The following TRABD variants were observed in gnomAD, a reference collection of about 807,000 sequenced individuals.
TRABD encodes the protein traB domain-containing protein.
TRABD carries 23 observed loss-of-function variants against 39.6 expected under a neutral mutation model. The observed-to-expected ratio is 0.58, with a 90% CI of 0.42 to 0.82. The LOEUF is 0.82. TRABD is among the 40% of genes least tolerant of loss of function. TRABD has a pLI of 0.00. For missense variants in TRABD, 487 were observed against 544.9 expected (o/e 0.89, Z 1.06); for synonymous variants, 243 against 232.1 (o/e 1.05, Z -0.43).
chr22:50,195,127 G>T (rs1463789481), intron 5 of TRABD, 87 bp downstream of exon 5: 10 of 1,457,080 alleles, frequency 6.9e-6, no homozygotes, highest in East Asian at 2.5e-5. Flanking sequence ...CACAGCCCAT[G>T]CCCCCAGTCA....
rs900419606 is a variant in TRABD at position 50,186,558 on chromosome 22, C to T, written c.-35+582C>T. Among the ~76,000 whole-genome samples the T allele has an allele frequency of 7.9e-5, 12 of 152,252 alleles. No individual in the cohort carries two copies. The East Asian group carries it at 2.1e-3, about 27-fold the overall frequency. ...TCGCGGGTCGGGAGGGCCCCAGCCA[C>T]CCCCGCCTGCCGCCTGCGGTGGAGC... is the stretch of plus-strand genomic sequence containing the variant. On this transcript the variant is annotated intron_variant, in intron 1 of 9. Transcript: ENST00000380909.
chr22:50,194,606 C>T (rs554076201), intron 4 of TRABD, 100 bp downstream of exon 4: 42 of 1,502,146 alleles, frequency 2.8e-5, no homozygotes, highest in Non-Finnish European at 3.2e-5. Context: ...CCCGTGTGTG[C>T]GCACCGCAGG....
chr22:50,195,223 G>A (rs1001931445), intron 5 of TRABD, among the ~76,000 whole-genome samples, 183 bp downstream of exon 5: 3 of 152,166 alleles, frequency 2.0e-5, no homozygotes, highest in African/African-American at 4.8e-5. Context: ...TCCATTACCC[G>A]GTTTCAGGCA....
At position 50,193,013 on chromosome 22, in the gene TRABD, A is replaced by T. The variant is rs750951934; in HGVS notation, c.-34-14A>T. ...GCTCCAGGTGGAAACCCCGCCTCTC[A>T]TGCCTCTCCTCAGGCTCCCCACAGG... On this transcript the variant is annotated splice_polypyrimidine_tract_variant and intron_variant, in intron 1 of 9. Transcript: ENST00000380909. The T allele has an allele frequency of 5.1e-5, 79 of 1,541,546 alleles. 1 individual carries two copies. Among genetic ancestry groups the T allele is most frequent in the Non-Finnish European group, 7.0e-6 (8 of 1,146,328 alleles).
chr22:50,194,632 C>A, intron 4 of TRABD, 126 bp downstream of exon 4: 1 of 1,428,174 alleles, frequency 7.0e-7, no homozygotes, highest in Non-Finnish European at 9.4e-7. Flanking sequence ...TGCTTCAACA[C>A]TGTGGTCCCT....
In TRABD at chr22:50,198,981, T is replaced by C. The variant is rs952331387; in HGVS notation, c.*462T>C. The C allele has an allele frequency of 1.6e-5, 10 of 627,124 alleles. No individual in the cohort carries two copies. The highest frequency in any genetic ancestry group is 1.1e-4 in the African/African-American group (6 of 54,530). 38.8% of individuals were successfully genotyped at this position (627,124 alleles called of 1,614,324 possible). On this transcript the variant is annotated 3_prime_UTR_variant, in exon 10 of 10. Transcript: ENST00000380909. This position sits in a 1 kb window ranked among gnomAD's most constrained non-coding sequence, Gnocchi z 7.9. The stretch of plus-strand genomic sequence containing the variant: ...ACTGGGAAAGGCCCAGCCCTGGAGC[T>C]CCAGCCGACCCCACCGTGCCCCTGG...
Position 50,189,427 on chromosome 22 carries a change from G to A in TRABD, c.-35+3451G>A, listed in dbSNP as rs188385696. ...CCCCAGTCCTGCTCGGTGGACGTCC[G>A]TGCGGGGCAGGGAGAGTGAAGCACA... On this transcript the variant is annotated intron_variant, in intron 1 of 9. Transcript: ENST00000380909. Among the ~76,000 whole-genome samples, 15 of 152,348 alleles carry A rather than the reference G, an allele frequency of 9.8e-5. No individual in the cohort carries two copies. In the East Asian group the frequency reaches 2.1e-3, roughly 22 times the overall value.
rs763428500 is a variant in TRABD, at chr22:50,198,186, C to T, written c.956C>T (p.Thr319Ile). The T allele has an allele frequency of 1.6e-5, 26 of 1,604,056 alleles. No individual in the cohort carries two copies. Among genetic ancestry groups the T allele is most frequent in the Middle Eastern group, 1.6e-4 (1 of 6,076 alleles). ...STDLNIQEIM[T>I]VPPPSVSGRV... ...GACCTCAACATCCAGGAGATCATGACGTGAGTGCCCGCCCCTCCCTGCAAG... is the reference window on the plus strand; with the variant it reads ...GACCTCAACATCCAGGAGATCATGATGTGAGTGCCCGCCCCTCCCTGCAAG... Residue 319 changes from threonine to isoleucine, a missense_variant and splice_region_variant, in exon 9 of 10, where the codon ACC (threonine) becomes ATC (isoleucine). This residue lies in a region of TRABD where 123 missense variants were observed against 108.3 expected (regional missense o/e 1.14). Transcript: ENST00000380909. This position sits in a 1 kb window ranked among gnomAD's most constrained non-coding sequence, Gnocchi z 7.9.
At chr22:50,187,565 G>A (rs1304153252) in intron 1 of TRABD, among the ~76,000 whole-genome samples, 2 of 152,228 alleles carry the variant, frequency 1.3e-5, no homozygotes, top group African/African-American at 2.4e-5. Flanking sequence ...CCAGTTTTTG[G>A]TCTGCACTAG....
chr22:50,192,015 G>A (rs748384462), intron 1 of TRABD: 2 of 152,226 alleles, frequency 1.3e-5, no homozygotes, highest in African/African-American at 4.8e-5. Context: ...CATCCACCTT[G>A]GCCCCCCAAA....
rs1039651693 is a variant in TRABD, at chr22:50,198,624, T to C, written c.*105T>C. 1.9e-5 allele frequency: 23 copies of C among 1,208,492 alleles called. No homozygotes were observed. The highest frequency in any genetic ancestry group is 1.6e-4 in the Admixed American group (5 of 31,068). 74.9% of individuals were successfully genotyped at this position (1,208,492 alleles called of 1,614,324 possible). ...CGCCCGAGGCCCCTGCCACCCCCCA[T>C]GGGGGTCTGGGCCCGGCCTCGCCTG... On this transcript the variant is annotated 3_prime_UTR_variant, in exon 10 of 10. Coordinates refer to ENST00000380909, the MANE Select transcript of TRABD (RefSeq NM_001320485.2). The surrounding 1 kb of genome is among the most constrained non-coding windows in gnomAD (Gnocchi z 7.9).
Position 50,193,089 on chromosome 22 carries a change from A to AC in TRABD, c.30dup (p.Glu11ArgfsTer60). ...GACGGGGAGGAGCAGCAGCCACCGCACGAGGTGAGGTGGAGGCTGGGCTGG... is the reference window on the plus strand; with the variant it reads ...GACGGGGAGGAGCAGCAGCCACCGCACCGAGGTGAGGTGGAGGCTGGGCTGG... On this transcript the variant is annotated frameshift_variant, in exon 2 of 10. Coordinates refer to ENST00000380909, the MANE Select transcript of TRABD (RefSeq NM_001320485.2). LOFTEE classifies it high-confidence loss of function. 6.5e-7 allele frequency: 1 copy of AC among 1,545,192 alleles called. No homozygotes were observed. The highest frequency in any genetic ancestry group is 8.7e-7 in the Non-Finnish European group (1 of 1,146,946).
chr22:50,197,657 CAGGTCCAAGCGCAGCCAATCCTCACTCA>C, intron 7 of TRABD, 69 bp downstream of exon 7: 3 of 1,590,486 alleles, frequency 1.9e-6, no homozygotes, highest in Non-Finnish European at 2.6e-6. Flanking sequence ...CCCTCCTGTG[CAGGTCCAAGCGCAGCCAATCCTCACTCA>C]AGGCCTTCCC....
At position 50,197,983 on chromosome 22, in the gene TRABD, C is replaced by T. The variant is rs372537434; in HGVS notation, c.832C>T (p.Arg278Trp). ...GGCCGCGCGGCGCCTCGAGCTGCCT[C>T]GGGCCTCTGACGGTGACGGCCGCCC... ...RQAARRLELPRASDAEPRKCV... is the reference protein window; with the variant it reads ...RQAARRLELPWASDAEPRKCV... The change falls in exon 8 of 10, where the codon CGG (arginine) becomes TGG (tryptophan). Residue 278 changes from arginine to tryptophan, a missense_variant. Around this residue, in one of 3 missense-constraint regions of TRABD, gnomAD observed 358 missense variants for 414.7 expected, o/e 0.86. Coordinates refer to ENST00000380909, the MANE Select transcript of TRABD (RefSeq NM_001320485.2). The T allele has an allele frequency of 2.2e-5, 36 of 1,612,032 alleles. 1 individual carries two copies. Among genetic ancestry groups the T allele is most frequent in the African/African-American group, 9.3e-5 (7 of 74,906 alleles).
chr22:50,187,856 T>C (rs1247100453), intron 1 of TRABD, among the ~76,000 whole-genome samples: 1 of 152,072 alleles, frequency 6.6e-6, no homozygotes, highest in Non-Finnish European at 1.5e-5. Flanking sequence ...GGCAGGCGCC[T>C]GTAGTCCCAG....
chr22:50,194,751 T>C, intron 4 of TRABD, 149 bp from the exon 5 acceptor site: 1 of 1,276,954 alleles, frequency 7.8e-7, no homozygotes, highest in African/African-American at 1.5e-5. Flanking sequence ...CTTAGAGAAT[T>C]GAGCTGTCAC....
In TRABD at chr22:50,193,991, C is replaced by T. The variant is rs1008045857; in HGVS notation, c.112+337C>T. Among the ~76,000 whole-genome samples the T allele has an allele frequency of 8.0e-4, 8 of 10,050 alleles. No individual in the cohort carries two copies. The African/African-American group carries it at 8.4e-3, about 11-fold the overall frequency. The allele number at this position is 10,050 out of a possible 152,430, so 6.6% of individuals were successfully genotyped here. A position where few individuals can be genotyped will look rare whatever the true frequency, so the allele number is the denominator to read the frequency against. On this transcript the variant is annotated intron_variant, in intron 3 of 9. Coordinates refer to ENST00000380909, the MANE Select transcript of TRABD (RefSeq NM_001320485.2). ...CTGAGTGGGGTGGGGGGGCCCATTT[C>T]GCCTCAGAGCCCCTCCCCTAGCTGA...
In TRABD at chr22:50,195,133, A is replaced by T. The variant is rs576117820; in HGVS notation, c.420+93A>T. 24 of 1,447,148 alleles carry T rather than the reference A, an allele frequency of 1.7e-5. No individual in the cohort carries two copies. The African/African-American group carries it at 3.2e-4, about 19-fold the overall frequency. The allele number at this position is 1,447,148 out of a possible 1,614,324, so 89.6% of individuals were successfully genotyped here. On this transcript the variant is annotated intron_variant, in intron 5 of 9. Coordinates refer to ENST00000380909, the MANE Select transcript of TRABD (RefSeq NM_001320485.2). Reference sequence around the variant, plus strand: ...GGTTCCTCTCACAGCCCATGCCCCCAGTCAGTGTGGCTGTGCCTGGCCTGC... The same window carrying T: ...GGTTCCTCTCACAGCCCATGCCCCCTGTCAGTGTGGCTGTGCCTGGCCTGC...
chr22:50,197,765 C>CCCCCCCCCCCCCCCCCCGTGG, intron 7 of TRABD, 58 bp from the exon 8 acceptor site: 8 of 754,046 alleles, frequency 1.1e-5, no homozygotes, highest in Non-Finnish European at 1.8e-5. Context: ...ACAGTGCCAG[C>CCCCCCCCCCCCCCCCCCGTGG]CCCACCCCCC....
Sources: allele counts gnomAD v4.1 joint callset (sites outside exome capture counted in the v4.1 genomes callset), GRCh38; gene constraint gnomAD v4.1.1; regional missense constraint gnomAD v4.1.1; non-coding constraint Gnocchi (gnomAD v3.1); transcripts MANE v1.5; gene names NCBI Gene and HGNC (gene_info 2026-07-23, HGNC 2026-07-21).